MARCHF5: variants seen among roughly 807,000 people sequenced by gnomAD.
MARCHF5 encodes the protein membrane associated ring-CH-type finger 5.
MARCHF5 carries 5 observed loss-of-function variants against 36.5 expected under a neutral mutation model. That is an observed-to-expected ratio of 0.14 (90% CI 0.07 to 0.29). The LOEUF (loss-of-function observed/expected upper bound fraction) is 0.29, where lower values mean the gene tolerates loss of function less well. MARCHF5 is among the 10% of genes least tolerant of loss of function. The pLI, the probability that MARCHF5 is intolerant of heterozygous loss-of-function variation, is 1.00. For missense variants in MARCHF5, 179 were observed against 336.3 expected (o/e 0.53, Z 3.66); for synonymous variants, 103 against 109.9 (o/e 0.94, Z 0.39).
In MARCHF5 at chr10:92,317,794, A is replaced by G. The variant is rs542400487; in HGVS notation, c.238+6457A>G. 9.4e-4 allele frequency among the ~76,000 whole-genome samples: 137 copies of G among 145,138 alleles called. 1 individual carries two copies. Among genetic ancestry groups the G allele is most frequent in the Non-Finnish European group, 1.6e-3 (107 of 66,908 alleles). On this transcript the variant is annotated intron_variant, in intron 2 of 5. Transcript: ENST00000358935. ...GAGGCACAGTCTCGCTCTGTTGCCC[A>G]GGCTGGAGTACAGCGCCATGATCTC...
rs1842854601 is a variant in MARCHF5, at chr10:92,291,268, C to T, written c.-227C>T. 1.8e-6 allele frequency: 1 copy of T among 542,088 alleles called. No individual in the cohort carries two copies. Among genetic ancestry groups the T allele is most frequent in the Non-Finnish European group, 3.2e-6 (1 of 312,296 alleles). The allele number at this position is 542,088 out of a possible 1,614,324, so 33.6% of individuals were successfully genotyped here. The stretch of plus-strand genomic sequence containing the variant: ...CGGGAACCCGGGCCGCGATCGCCGC[C>T]TCCCCGCCTCAGGCTCCTCCTCCTC... On this transcript the variant is annotated 5_prime_UTR_variant, in exon 1 of 6. Transcript: ENST00000358935.
intron 2 of MARCHF5, among the ~76,000 whole-genome samples, chr10:92,334,223 C>G (rs879541152): frequency 6.6e-6 from 1 of 152,042 alleles, no homozygotes. Flanking sequence ...TGGTCTAGGT[C>G]GAAATCAGTT....
chr10:92,346,062 G>A (rs998982299), intron 3 of MARCHF5, among the ~76,000 whole-genome samples: 5 of 151,976 alleles, frequency 3.3e-5, no homozygotes, highest in African/African-American at 9.7e-5. Context: ...CCCCAAAATC[G>A]AAGTCTTAAA....
chr10:92,316,429 G>A (rs963060928), intron 2 of MARCHF5, among the ~76,000 whole-genome samples: 1 of 152,030 alleles, frequency 6.6e-6, no homozygotes, highest in Non-Finnish European at 1.5e-5. Context: ...TTGTATGTAT[G>A]TACCTACTTA....
chr10:92,293,958 G>A (rs1037437618), intron 1 of MARCHF5, among the ~76,000 whole-genome samples: 16 of 152,240 alleles, frequency 1.1e-4, no homozygotes, highest in Admixed American at 6.5e-4. Flanking sequence ...TTCAAAGACC[G>A]TTATTGTCTA....
rs911859138 is a variant in MARCHF5 at position 92,291,258 on chromosome 10, C to G, written c.-237C>G. ...GGCCGACGGACGGGAACCCGGGCCG[C>G]GATCGCCGCCTCCCCGCCTCAGGCT... On this transcript the variant is annotated 5_prime_UTR_variant, in exon 1 of 6. Coordinates refer to ENST00000358935, the MANE Select transcript of MARCHF5 (RefSeq NM_017824.5). 6 of 540,506 alleles carry G rather than the reference C, an allele frequency of 1.1e-5. No homozygotes were observed. The highest frequency in any genetic ancestry group is 4.1e-5 in the African/African-American group (2 of 49,088). The allele number at this position is 540,506 out of a possible 1,614,324, so 33.5% of individuals were successfully genotyped here. A position where few individuals can be genotyped will look rare whatever the true frequency, so the allele number is the denominator to read the frequency against.
chr10:92,323,626 C>T lies in MARCHF5; in HGVS notation c.238+12289C>T, dbSNP rs374303652. 7.2e-5 allele frequency among the ~76,000 whole-genome samples: 11 copies of T among 152,218 alleles called. No individual in the cohort carries two copies. In the East Asian group the frequency reaches 1.4e-3, roughly 19 times the overall value. On this transcript the variant is annotated intron_variant, in intron 2 of 5. Coordinates refer to ENST00000358935, the MANE Select transcript of MARCHF5 (RefSeq NM_017824.5). ...ATCTTTTTTTTTCTCCATGGTTTTC[C>T]CTTTTCCACAAGGTCATATAGTTGG...
chr10:92,333,572 T>C (rs1843465682), intron 2 of MARCHF5: 4 of 826,016 alleles, frequency 4.8e-6, no homozygotes, highest in Non-Finnish European at 5.8e-6. Context: ...TTGAGACAAC[T>C]GAACAAACAT....
At chr10:92,314,203 C>A (rs1399863584) in intron 2 of MARCHF5, among the ~76,000 whole-genome samples, 1 of 26,076 alleles carries the variant, frequency 3.8e-5, no homozygotes, top group Non-Finnish European at 7.1e-5. Flanking sequence ...CAGAGTGAAA[C>A]CAATCTTAAA....
chr10:92,347,095 GCTA>G (rs1843653604), intron 3 of MARCHF5, among the ~76,000 whole-genome samples: 1 of 152,132 alleles, frequency 6.6e-6, no homozygotes, highest in Admixed American at 6.6e-5. Context: ...TGTAGTTCCA[GCTA>G]CTCAGGAGGG....
intron 2 of MARCHF5, among the ~76,000 whole-genome samples, chr10:92,316,281 C>A (rs1005748542): frequency 1.3e-5 from 2 of 152,016 alleles, no homozygotes; most frequent in African/African-American, 4.8e-5. Flanking sequence ...AGTGTATGTT[C>A]TTCATTGTTA....
chr10:92,304,301 A>G (rs1003197704), intron 1 of MARCHF5, among the ~76,000 whole-genome samples: 5 of 152,188 alleles, frequency 3.3e-5, no homozygotes, highest in African/African-American at 1.2e-4. Context: ...GAGGTTATAT[A>G]TGTGCTAGGC....
intron 1 of MARCHF5, among the ~76,000 whole-genome samples, chr10:92,292,217 TG>T (rs1842884550): frequency 6.6e-6 from 1 of 152,114 alleles, no homozygotes; most frequent in Admixed American, 6.5e-5. Context: ...TGCCCATTCT[TG>T]GGGGGCCCCA....
chr10:92,309,664 A>G (rs1474603788), intron 1 of MARCHF5, among the ~76,000 whole-genome samples: 1 of 152,144 alleles, frequency 6.6e-6, no homozygotes, highest in Admixed American at 6.5e-5. Context: ...GTGCTAGTAT[A>G]CTTACCAATT....
Position 92,353,911 on chromosome 10 carries a change from A to C in MARCHF5, c.*2704A>C, listed in dbSNP as rs1280977774. 2 of 152,636 alleles carry C rather than the reference A, an allele frequency of 1.3e-5. No homozygotes were observed. Among genetic ancestry groups the C allele is most frequent in the Non-Finnish European group, 2.9e-5 (2 of 68,042 alleles). 9.5% of individuals were successfully genotyped at this position (152,636 alleles called of 1,614,324 possible). On this transcript the variant is annotated 3_prime_UTR_variant, in exon 6 of 6. Transcript: ENST00000358935. Reference sequence around the variant, plus strand: ...TTTTTAAACGTCTTGTTTTTAATATAGCAAACTATCTCAATACTGGCTGGA... The same window carrying C: ...TTTTTAAACGTCTTGTTTTTAATATCGCAAACTATCTCAATACTGGCTGGA...
In MARCHF5 at chr10:92,351,230, AGTTCTCTCATCCT is replaced by A; in HGVS notation, c.*24_*36del. ...TAAAACTGACTTCTGGTTGTTCTGC[AGTTCTCTCATCCT>A]TATGAATCTGTTGTGTTGTTTTGAT... On this transcript the variant is annotated 3_prime_UTR_variant, in exon 6 of 6. Coordinates refer to ENST00000358935, the MANE Select transcript of MARCHF5 (RefSeq NM_017824.5). 7.2e-7 allele frequency: 1 copy of A among 1,383,912 alleles called. No homozygotes were observed. The highest frequency in any genetic ancestry group is 1.0e-6 in the Non-Finnish European group (1 of 973,248). 85.7% of individuals were successfully genotyped at this position (1,383,912 alleles called of 1,614,324 possible). A position where few individuals can be genotyped will look rare whatever the true frequency, so the allele number is the denominator to read the frequency against.
In MARCHF5 at chr10:92,311,726, TCTTC is replaced by T. The variant is rs1366780298; in HGVS notation, c.238+393_238+396del. Among the ~76,000 whole-genome samples, 4 of 152,360 alleles carry T rather than the reference TCTTC, an allele frequency of 2.6e-5. No homozygotes were observed. The East Asian group carries it at 7.7e-4, about 29-fold the overall frequency. On this transcript the variant is annotated intron_variant, in intron 2 of 5. Coordinates refer to ENST00000358935, the MANE Select transcript of MARCHF5 (RefSeq NM_017824.5). The stretch of plus-strand genomic sequence containing the variant: ...GTATGTTCTAATACTTCTCCTTAAT[TCTTC>T]CTTTTAAGGAATAAAAGTAGAGAAA...
At chr10:92,315,214 C>T (rs1011226998) in intron 2 of MARCHF5, among the ~76,000 whole-genome samples, 2 of 152,202 alleles carry the variant, frequency 1.3e-5, no homozygotes, top group Admixed American at 1.3e-4. Flanking sequence ...TTGATTCGTA[C>T]TCTGTACGCT....
At chr10:92,325,198 C>G (rs983090071) in intron 2 of MARCHF5, among the ~76,000 whole-genome samples, 1 of 152,130 alleles carries the variant, frequency 6.6e-6, no homozygotes, top group African/African-American at 2.4e-5. Context: ...AAACTTTAGC[C>G]AGGCATGGTG....
Sources: allele counts gnomAD v4.1 joint callset (sites outside exome capture counted in the v4.1 genomes callset), GRCh38; gene constraint gnomAD v4.1.1; transcripts MANE v1.5; gene names NCBI Gene and HGNC (gene_info 2026-07-23, HGNC 2026-07-21).